The following LIN28B variants were observed in gnomAD, a reference collection of about 807,000 sequenced individuals.
LIN28B encodes the protein lin-28 RNA binding posttranscriptional regulator B.
Under a neutral mutation model 21.9 loss-of-function variants are expected in LIN28B, and 5 were observed. The ratio of observed to expected loss-of-function variants is 0.23; its 90% CI spans 0.12 to 0.48. The LOEUF is 0.48. Ranked by LOEUF, LIN28B falls within the 20% of genes least tolerant of loss-of-function variation. LIN28B has a pLI of 0.98. For synonymous variants in LIN28B, 109 were observed against 111.3 expected (o/e 0.98, Z 0.13); for missense variants, 245 against 310.5 (o/e 0.79, Z 1.58).
chr6:104,974,306 T>G (rs1770040952), intron 2 of LIN28B, among the ~76,000 whole-genome samples: 1 of 151,918 alleles, frequency 6.6e-6, no homozygotes, highest in Non-Finnish European at 1.5e-5. Context: ...CTGGCCAATA[T>G]GGTGAAACCC....
chr6:104,943,557 G>A (rs1002281748), intron 2 of LIN28B, among the ~76,000 whole-genome samples: 7 of 152,076 alleles, frequency 4.6e-5, no homozygotes, highest in African/African-American at 1.7e-4. Flanking sequence ...TGGGCATACA[G>A]GGATGAATCA....
At chr6:104,991,695 C>T (rs1770483855) in intron 2 of LIN28B, among the ~76,000 whole-genome samples, 1 of 152,162 alleles carries the variant, frequency 6.6e-6, no homozygotes, top group East Asian at 1.9e-4. Flanking sequence ...GAGCCGAGAT[C>T]ACGCCACTGC....
Position 104,957,175 on chromosome 6 carries a change from T to G in LIN28B, c.-76T>G. On this transcript the variant is annotated 5_prime_UTR_variant, in exon 1 of 4. In the 5' UTR this introduces an upstream ATG that the reference lacks. Coordinates refer to ENST00000345080, the MANE Select transcript of LIN28B (RefSeq NM_001004317.4). The stretch of plus-strand genomic sequence containing the variant: ...ATCGCACAAAATCAAGATGTTAGAT[T>G]GATGCAGAAGATCACTCCGTTCCAA... The G allele has an allele frequency of 1.2e-6, 2 of 1,613,642 alleles. No homozygotes were observed. Among genetic ancestry groups the G allele is most frequent in the Non-Finnish European group, 8.5e-7 (1 of 1,179,694 alleles).
intron 3 of LIN28B, among the ~76,000 whole-genome samples, chr6:105,065,098 A>T (rs914262598): frequency 1.9e-4 from 29 of 152,316 alleles, no homozygotes; most frequent in African/African-American, 5.8e-4. Flanking sequence ...TACCTCCACC[A>T]GTGGCTGTGT....
intron 2 of LIN28B, chr6:104,941,041 G>C (rs1032125033): frequency 6.6e-6 from 1 of 152,288 alleles, no homozygotes; most frequent in Non-Finnish European, 1.5e-5. Flanking sequence ...GGCCGCGCGA[G>C]TGCGAGCGTG....
At chr6:105,026,648 T>C (rs1009602056) in intron 3 of LIN28B, among the ~76,000 whole-genome samples, 166 bp downstream of exon 3, 1 of 152,200 alleles carries the variant, frequency 6.6e-6, no homozygotes, top group Non-Finnish European at 1.5e-5. Context: ...TTGAATTATC[T>C]GCAGAATGTA....
At chr6:105,069,177 C>T (rs1014697826) in intron 3 of LIN28B, among the ~76,000 whole-genome samples, 1 of 152,098 alleles carries the variant, frequency 6.6e-6, no homozygotes, top group Non-Finnish European at 1.5e-5. Flanking sequence ...AAGATTGTGC[C>T]ACTGCACTCC....
chr6:104,988,859 G>A (rs908958571), intron 2 of LIN28B, among the ~76,000 whole-genome samples: 13 of 152,070 alleles, frequency 8.5e-5, no homozygotes, highest in Non-Finnish European at 1.5e-4. Flanking sequence ...GATTACAGGC[G>A]TGATCCACTG....
chr6:104,946,269 G>A (rs1460472544), intron 2 of LIN28B, among the ~76,000 whole-genome samples: 2 of 151,916 alleles, frequency 1.3e-5, no homozygotes, highest in Non-Finnish European at 2.9e-5. Flanking sequence ...TTACTTTTAA[G>A]TAAATTATTT....
At chr6:105,038,807 A>G (rs1237805059) in intron 3 of LIN28B, among the ~76,000 whole-genome samples, 1 of 152,246 alleles carries the variant, frequency 6.6e-6, no homozygotes, top group Non-Finnish European at 1.5e-5. Context: ...ATAGTAATTC[A>G]TAAAGAAAAA....
upstream of LIN28B, among the ~76,000 whole-genome samples, chr6:104,953,202 C>A (rs532371629): frequency 3.3e-5 from 5 of 152,174 alleles, no homozygotes; most frequent in South Asian, 1.0e-3. Context: ...CCTTTCTCGC[C>A]GACGTTTTTT....
intron 2 of LIN28B, among the ~76,000 whole-genome samples, chr6:105,004,150 T>C (rs430521): frequency 0.65 from 99,232 of 151,928 alleles, 32,597 homozygotes; most frequent in South Asian, 0.72. Flanking sequence ...TTTCTGCCTG[T>C]ATTATATACT....
intron 2 of LIN28B, among the ~76,000 whole-genome samples, chr6:104,942,336 G>T (rs1421029649): frequency 6.6e-6 from 1 of 151,824 alleles, no homozygotes; most frequent in African/African-American, 2.4e-5. Context: ...TTTTGGTGCT[G>T]GTTATTACCA....
At chr6:105,051,434 G>A (rs145729318) in intron 3 of LIN28B, among the ~76,000 whole-genome samples, 1,620 of 149,890 alleles carry the variant, frequency 0.011, 15 homozygotes, top group African/African-American at 0.028. Flanking sequence ...GCGAGACTCC[G>A]TCTGAAAAAA....
chr6:105,065,100 T>C (rs1211901906), intron 3 of LIN28B, among the ~76,000 whole-genome samples: 1 of 152,210 alleles, frequency 6.6e-6, no homozygotes, highest in Admixed American at 6.5e-5. Context: ...CCTCCACCAG[T>C]GGCTGTGTAT....
chr6:105,073,827 A>T (rs1241139835), intron 3 of LIN28B, among the ~76,000 whole-genome samples: 1 of 152,216 alleles, frequency 6.6e-6, no homozygotes, highest in East Asian at 1.9e-4. Flanking sequence ...AATATTATTT[A>T]AAAATTAATG....
At chr6:105,061,546 A>G (rs1197451347) in intron 3 of LIN28B, among the ~76,000 whole-genome samples, 4 of 130,710 alleles carry the variant, frequency 3.1e-5, no homozygotes, top group East Asian at 2.3e-4. Context: ...GAGGGCTTCA[A>G]TTCATCTACC....
intron 2 of LIN28B, among the ~76,000 whole-genome samples, chr6:104,983,175 A>G (rs925667273): frequency 7.2e-5 from 11 of 152,196 alleles, no homozygotes; most frequent in African/African-American, 2.7e-4. Flanking sequence ...AAAAGCTGGC[A>G]AGGGGATGGC....
intron 3 of LIN28B, among the ~76,000 whole-genome samples, chr6:105,031,246 G>A (rs1771416196): frequency 6.6e-6 from 1 of 151,952 alleles, no homozygotes; most frequent in Non-Finnish European, 1.5e-5. Flanking sequence ...AAATTTCCCA[G>A]ATTTGACCAG....
Sources: gnomAD v4.1 joint callset for allele counts (sites outside exome capture counted in the v4.1 genomes callset) on GRCh38, gnomAD v4.1.1 for gene constraint, MANE v1.5 for transcripts, NCBI Gene and HGNC (gene_info 2026-07-23, HGNC 2026-07-21) for gene names.